Variants in ADARB2 observed in about 807,000 individuals in gnomAD.
ADARB2 encodes the protein inactive double-stranded RNA-specific editase B2.
A neutral mutation model predicts 62.2 loss-of-function variants in ADARB2; 25 were observed. The ratio of observed to expected loss-of-function variants is 0.40; its 90% CI spans 0.29 to 0.56. The LOEUF is 0.56. Ranked by LOEUF, ADARB2 falls within the 20% of genes least tolerant of loss-of-function variation. The pLI, the probability that ADARB2 is intolerant of heterozygous loss-of-function variation, is 0.43. For missense variants in ADARB2, 1,071 were observed against 1,077.4 expected, an observed-to-expected ratio of 0.99 and a Z score of 0.08; for synonymous variants, 572 against 500.8, an observed-to-expected ratio of 1.14 and a Z score of -1.90.
intron 3 of ADARB2, chr10:1,292,963 A>AGAGGGAGAGGGAGGGAAGGAGAGAGGGAG (rs796346456): frequency 6.0e-5 from 1 of 16,672 alleles, no homozygotes; most frequent in Admixed American, 9.0e-4. Context: ...AAGGAGAGAG[A>AGAGGGAGAGGGAGGGAAGGAGAGAGGGAG]GGGAGAGGGA....
chr10:1,573,371 G>T (rs1018552465), intron 1 of ADARB2, among the ~76,000 whole-genome samples: 2 of 152,162 alleles, frequency 1.3e-5, no homozygotes, highest in South Asian at 2.1e-4. Context: ...GGATAAAAGG[G>T]CCTTCCCCCA....
At chr10:1,216,868 A>C in intron 7 of ADARB2, 83 bp downstream of exon 7, 1 of 1,534,580 alleles carries the variant, frequency 6.5e-7, no homozygotes, top group Non-Finnish European at 8.8e-7. Flanking sequence ...TGACCTCACC[A>C]GAAGTGGGAT....
chr10:1,530,152 C>T (rs1198101256), intron 1 of ADARB2, among the ~76,000 whole-genome samples: 1 of 152,242 alleles, frequency 6.6e-6, no homozygotes, highest in African/African-American at 2.4e-5. Flanking sequence ...CCGTCCACTG[C>T]CTCGTGCCTT....
intron 1 of ADARB2, among the ~76,000 whole-genome samples, chr10:1,700,327 G>A (rs1834805157): frequency 1.3e-4 from 1 of 7,510 alleles, no homozygotes; most frequent in African/African-American, 3.3e-4. Context: ...AGGAGACCGG[G>A]CACTCGCCAA....
intron 8 of ADARB2, among the ~76,000 whole-genome samples, chr10:1,194,061 T>C (rs1836875550): frequency 6.6e-6 from 1 of 152,234 alleles, no homozygotes; most frequent in African/African-American, 2.4e-5. Flanking sequence ...CATTCAGACT[T>C]TCCTGCTCTC....
At chr10:1,531,764 G>A (rs1832243934) in intron 1 of ADARB2, among the ~76,000 whole-genome samples, 1 of 152,140 alleles carries the variant, frequency 6.6e-6, no homozygotes, top group African/African-American at 2.4e-5. Flanking sequence ...TTGAACCCCG[G>A]AGGCGGAGGT....
intron 1 of ADARB2, among the ~76,000 whole-genome samples, chr10:1,668,029 C>T (rs1834334863): frequency 6.6e-6 from 1 of 152,178 alleles, no homozygotes; most frequent in African/African-American, 2.4e-5. Context: ...GTCCTGTGAG[C>T]CCTCCCTGGA....
At chr10:1,581,211 G>T (rs10903495) in intron 1 of ADARB2, among the ~76,000 whole-genome samples, 22,729 of 152,288 alleles carry the variant, frequency 0.15, 1,748 homozygotes, top group Middle Eastern at 0.22. Flanking sequence ...GTCCTCAAAC[G>T]ATGTTCAAGG....
chr10:1,209,092 C>T (rs960620179), intron 7 of ADARB2, among the ~76,000 whole-genome samples: 14 of 152,196 alleles, frequency 9.2e-5, no homozygotes, highest in African/African-American at 2.9e-4. Flanking sequence ...TTCTGAATGG[C>T]GGAGAACATT....
At chr10:1,228,643 G>T (rs1014529745) in intron 6 of ADARB2, among the ~76,000 whole-genome samples, 9 of 152,358 alleles carry the variant, frequency 5.9e-5, no homozygotes, top group African/African-American at 2.2e-4. Flanking sequence ...GTTTTGAGTC[G>T]CTTGAGATGA....
chr10:1,676,146 G>A, intron 1 of ADARB2: 1 of 688,754 alleles, frequency 1.5e-6, no homozygotes, highest in Non-Finnish European at 1.8e-6. Context: ...TGGCAAATGT[G>A]CAATATGAAA....
intron 3 of ADARB2, among the ~76,000 whole-genome samples, chr10:1,283,587 C>T (rs1394391736): frequency 1.3e-5 from 2 of 151,832 alleles, no homozygotes; most frequent in Non-Finnish European, 2.9e-5. Context: ...CTGTAGACAG[C>T]CTATATGGCC....
chr10:1,683,719 G>T (rs1464718409), intron 1 of ADARB2, among the ~76,000 whole-genome samples: 1 of 152,206 alleles, frequency 6.6e-6, no homozygotes, highest in African/African-American at 2.4e-5. Context: ...TACCAAGATG[G>T]ATAGAAAGGA....
chr10:1,509,238 T>C (rs765120102), intron 1 of ADARB2, among the ~76,000 whole-genome samples: 1 of 152,190 alleles, frequency 6.6e-6, no homozygotes, highest in Admixed American at 6.5e-5. Flanking sequence ...ACACGTTCCA[T>C]CAGGGGGTCA....
chr10:1,234,650 C>T (rs1371874225), intron 5 of ADARB2, among the ~76,000 whole-genome samples: 1 of 150,932 alleles, frequency 6.6e-6, no homozygotes, highest in African/African-American at 2.4e-5. Context: ...CTTTGTTGCC[C>T]CGAGTGGTCT....
chr10:1,640,174 C>T (rs545144695), intron 1 of ADARB2, among the ~76,000 whole-genome samples: 3 of 152,296 alleles, frequency 2.0e-5, no homozygotes, highest in Admixed American at 6.5e-5. Context: ...CATCCTTAGC[C>T]AGTTTGTTAG....
rs538042861 is a variant in ADARB2, at chr10:1,199,897, G to T, written c.1864+69C>A. On this transcript the variant is annotated intron_variant, in intron 8 of 9. Transcript: ENST00000381312. Reference sequence around the variant, plus strand: ...GATGAAGTCTGCGAGGGATGGCACCGCCGGGCACACCTGTGTCTGGCCTGG... The same window carrying T: ...GATGAAGTCTGCGAGGGATGGCACCTCCGGGCACACCTGTGTCTGGCCTGG... 11 of 1,412,828 alleles carry T rather than the reference G, an allele frequency of 7.8e-6. No homozygotes were observed. In the East Asian group the frequency reaches 2.0e-4, roughly 26 times the overall value. The allele number at this position is 1,412,828 out of a possible 1,614,324, so 87.5% of individuals were successfully genotyped here. A position where few individuals can be genotyped will look rare whatever the true frequency, so the allele number is the denominator to read the frequency against.
At chr10:1,356,347 G>T (rs572462936) in intron 3 of ADARB2, among the ~76,000 whole-genome samples, 1 of 152,376 alleles carries the variant, frequency 6.6e-6, no homozygotes, top group Non-Finnish European at 1.5e-5. Context: ...TGGGAAGAAT[G>T]GTCCCAGAGA....
intron 1 of ADARB2, among the ~76,000 whole-genome samples, chr10:1,673,864 C>T (rs748970520): frequency 7.2e-5 from 11 of 152,198 alleles, no homozygotes; most frequent in Non-Finnish European, 1.5e-4. Context: ...GGATCCTAGG[C>T]CGGTTACCGA....
Sources: gnomAD v4.1 joint callset for allele counts (sites outside exome capture counted in the v4.1 genomes callset) on GRCh38, gnomAD v4.1.1 for gene constraint, MANE v1.5 for transcripts, NCBI Gene and HGNC (gene_info 2026-07-23, HGNC 2026-07-21) for gene names.